SLC41A1: variants seen among roughly 807,000 people sequenced by gnomAD.
The protein encoded by SLC41A1 is solute carrier family 41 (magnesium transporter), member 1.
Under a neutral mutation model 47.3 loss-of-function variants are expected in SLC41A1, and 20 were observed. The ratio of observed to expected loss-of-function variants is 0.42; its 90% CI spans 0.30 to 0.61. The LOEUF (loss-of-function observed/expected upper bound fraction) is 0.61. Ranked by LOEUF, SLC41A1 falls within the 20% of genes least tolerant of loss-of-function variation. The pLI, the probability that SLC41A1 is intolerant of heterozygous loss-of-function variation, is 0.17. For synonymous variants in SLC41A1, 282 were observed against 272.7 expected (o/e 1.03, Z -0.34); for missense variants, 504 against 674.1 (o/e 0.75, Z 2.79).
rs781704776 is a variant in SLC41A1, at chr1:205,799,780, A to C, written c.531T>G (p.Thr177=). 1 of 1,614,124 alleles carries C rather than the reference A, an allele frequency of 6.2e-7. No individual in the cohort carries two copies. The highest frequency in any genetic ancestry group is 8.5e-7 in the Non-Finnish European group (1 of 1,179,994). Residue 177 remains threonine (T), a synonymous_variant, in exon 4 of 11, where the codon ACT becomes ACG. Transcript: ENST00000367137. ...DTPKELWRMI[T]GNMALIQVQA... ...TTACCTGGATGAGGGCCATGTTCCCAGTGATCATCCGCCAGAGCTCCTTGG... is the reference window on the plus strand; with the variant it reads ...TTACCTGGATGAGGGCCATGTTCCCCGTGATCATCCGCCAGAGCTCCTTGG...
chr1:205,797,835 AG>A, intron 7 of SLC41A1, 68 bp downstream of exon 7: 5 of 1,601,320 alleles, frequency 3.1e-6, no homozygotes, highest in Non-Finnish European at 4.3e-6. Flanking sequence ...CCATCTCTCC[AG>A]GGTTTAAAAA....
intron 2 of SLC41A1, among the ~76,000 whole-genome samples, chr1:205,804,418 T>A (rs1655966687): frequency 6.6e-6 from 1 of 152,140 alleles, no homozygotes; most frequent in Non-Finnish European, 1.5e-5. Flanking sequence ...GGGAAGAGAC[T>A]GCCCCCCATC....
In SLC41A1 at chr1:205,810,564, T is replaced by G; in HGVS notation, c.-123A>C. The stretch of plus-strand genomic sequence containing the variant: ...CCAGGCTTGGGCGCCGCAGGACCTC[T>G]TCCCACGGCTCTCCACTCCTACCAG... On this transcript the variant is annotated 5_prime_UTR_variant, in exon 2 of 11. Transcript: ENST00000367137. The surrounding 1 kb of genome is among the most constrained non-coding windows in gnomAD (Gnocchi z 5.5). The G allele has an allele frequency of 6.8e-7, 1 of 1,466,518 alleles. No homozygotes were observed. The highest frequency in any genetic ancestry group is 1.2e-5 in the South Asian group (1 of 84,958). The allele number at this position is 1,466,518 out of a possible 1,614,324, so 90.8% of individuals were successfully genotyped here. A position where few individuals can be genotyped will look rare whatever the true frequency, so the allele number is the denominator to read the frequency against.
intron 2 of SLC41A1, among the ~76,000 whole-genome samples, chr1:205,807,578 C>T (rs576753352): frequency 2.6e-5 from 4 of 151,404 alleles, no homozygotes; most frequent in South Asian, 4.2e-4. Flanking sequence ...CAGAAGATAA[C>T]GCTAATTAAT....
At chr1:205,798,888 A>C in intron 5 of SLC41A1, 69 bp downstream of exon 5, 1 of 1,614,094 alleles carries the variant, frequency 6.2e-7, no homozygotes, top group African/African-American at 1.3e-5. Flanking sequence ...AAAAAGAGAG[A>C]GTGGAAGTGC....
Position 205,810,790 on chromosome 1 carries a change from G to T in SLC41A1, c.-349C>A, listed in dbSNP as rs972413684. ...AGTGGCAGGCTCCTCAGAGCAGGGG[G>T]CATCCAGAGTAGAAGAGCTCAACCA... is the stretch of plus-strand genomic sequence containing the variant. On this transcript the variant is annotated 5_prime_UTR_variant, in exon 2 of 11. Coordinates refer to ENST00000367137, the MANE Select transcript of SLC41A1 (RefSeq NM_173854.6). This position sits in a 1 kb window ranked among gnomAD's most constrained non-coding sequence, Gnocchi z 5.5. The T allele has an allele frequency of 5.7e-6, 2 of 350,514 alleles. No homozygotes were observed. Among genetic ancestry groups the T allele is most frequent in the Admixed American group, 8.0e-5 (2 of 24,870 alleles). The allele number at this position is 350,514 out of a possible 1,614,324, so 21.7% of individuals were successfully genotyped here. A position where few individuals can be genotyped will look rare whatever the true frequency, so the allele number is the denominator to read the frequency against.
At chr1:205,804,896 G>A (rs895867544) in intron 2 of SLC41A1, among the ~76,000 whole-genome samples, 1 of 152,192 alleles carries the variant, frequency 6.6e-6, no homozygotes, top group Non-Finnish European at 1.5e-5. Flanking sequence ...ATGTATGCAA[G>A]CAATGTTTTC....
At position 205,794,901 on chromosome 1, in the gene SLC41A1, A is replaced by G. The variant is rs1655707668; in HGVS notation, c.1325T>C (p.Ile442Thr). ...GGHTTLTLIF[I>T]IFYMTAALLQ... ...CAGTGCAGCTGTCATATAGAAGATG[A>G]TGAAGATGAGTGTGAGGGTGGTGTG... Residue 442 changes from isoleucine to threonine, a missense_variant, in exon 10 of 11, where the codon ATC becomes ACC. Around this residue, in one of 2 missense-constraint regions of SLC41A1, gnomAD observed 421 missense variants for 601.6 expected, o/e 0.70. Coordinates refer to ENST00000367137, the MANE Select transcript of SLC41A1 (RefSeq NM_173854.6). 5 of 1,614,012 alleles carry G rather than the reference A, an allele frequency of 3.1e-6. No individual in the cohort carries two copies. The highest frequency in any genetic ancestry group is 2.5e-6 in the Non-Finnish European group (3 of 1,179,980).
In SLC41A1 at chr1:205,813,058, GAT is replaced by G. The variant is rs1380811096; in HGVS notation, c.-899_-898del. Reference sequence around the variant, plus strand: ...CGGGGGAGGTGGCCGGGGAGGGCAGGATATATCGCTTCGGGCCCGGCGGGGGG... The same window carrying G: ...CGGGGGAGGTGGCCGGGGAGGGCAGGATATCGCTTCGGGCCCGGCGGGGGG... On this transcript the variant is annotated 5_prime_UTR_variant, in exon 1 of 11. Coordinates refer to ENST00000367137, the MANE Select transcript of SLC41A1 (RefSeq NM_173854.6). 1 of 985,430 alleles carries G rather than the reference GAT, an allele frequency of 1.0e-6. No homozygotes were observed. The highest frequency in any genetic ancestry group is 1.2e-6 in the Non-Finnish European group (1 of 830,018). 61.0% of individuals were successfully genotyped at this position (985,430 alleles called of 1,614,324 possible).
In SLC41A1 at chr1:205,813,182, G is replaced by A. The variant is rs576233068; in HGVS notation, c.-1021C>T. ...AACTGGTTGGCTGCCGGTGGCAAAC[G>A]TGATCTGGGGCAGACTGGGTGGCAC... is the stretch of plus-strand genomic sequence containing the variant. On this transcript the variant is annotated 5_prime_UTR_variant, in exon 1 of 11. The change creates a new upstream start codon in the 5' untranslated region. Coordinates refer to ENST00000367137, the MANE Select transcript of SLC41A1 (RefSeq NM_173854.6). 5.1e-6 allele frequency: 5 copies of A among 985,468 alleles called. No homozygotes were observed. The highest frequency in any genetic ancestry group is 1.7e-5 in the African/African-American group (1 of 57,344). The allele number at this position is 985,468 out of a possible 1,614,324, so 61.0% of individuals were successfully genotyped here.
intron 2 of SLC41A1, among the ~76,000 whole-genome samples, chr1:205,805,512 G>A (rs1037116566): frequency 1.3e-4 from 20 of 152,196 alleles, no homozygotes; most frequent in African/African-American, 3.6e-4. Flanking sequence ...AGTCACACCC[G>A]TCTGCCAAGC....
At chr1:205,805,686 C>A (rs980470147) in intron 2 of SLC41A1, among the ~76,000 whole-genome samples, 1 of 152,180 alleles carries the variant, frequency 6.6e-6, no homozygotes, top group South Asian at 2.1e-4. Flanking sequence ...GCTCATGGAT[C>A]CCTGGTATTC....
intron 5 of SLC41A1, 61 bp downstream of exon 5, chr1:205,798,896 T>C: frequency 1.3e-5 from 21 of 1,614,076 alleles, no homozygotes; most frequent in Non-Finnish European, 1.8e-5. Context: ...AGAGTGGAAG[T>C]GCCAGGTGCA....
rs1056234850 is a variant in SLC41A1, at chr1:205,812,912, G to C, written c.-751C>G. On this transcript the variant is annotated 5_prime_UTR_variant, in exon 1 of 11. Coordinates refer to ENST00000367137, the MANE Select transcript of SLC41A1 (RefSeq NM_173854.6). Reference sequence around the variant, plus strand: ...CTCTTCTCATCACTCCTCCTCGACAGTCCTCCTTGGCCCCCGGCGTGCCCC... The same window carrying C: ...CTCTTCTCATCACTCCTCCTCGACACTCCTCCTTGGCCCCCGGCGTGCCCC... 66 of 985,462 alleles carry C rather than the reference G, an allele frequency of 6.7e-5. No individual in the cohort carries two copies. Among genetic ancestry groups the C allele is most frequent in the Non-Finnish European group, 7.2e-5 (60 of 830,090 alleles). The allele number at this position is 985,462 out of a possible 1,614,324, so 61.0% of individuals were successfully genotyped here. A position where few individuals can be genotyped will look rare whatever the true frequency, so the allele number is the denominator to read the frequency against.
chr1:205,794,772 A>G, intron 10 of SLC41A1, 98 bp downstream of exon 10: 1 of 1,491,218 alleles, frequency 6.7e-7, no homozygotes, highest in Non-Finnish European at 9.2e-7. Flanking sequence ...ACAGAGAAAG[A>G]GGAGGTTGAG....
rs371831150 is a variant in SLC41A1 at position 205,791,709 on chromosome 1, G to C, written c.1366C>G (p.Leu456Val). ...ACCATCCAGTCTGCGATGTACAGGA[G>C]AATCAGCACCTGGGGAGACAAAAGG... is the stretch of plus-strand genomic sequence containing the variant. ...MTAALLQVLI[L>V]LYIADWMVHW... The change falls in exon 11 of 11, where the codon CTC (leucine) becomes GTC (valine). Residue 456 changes from leucine (L) to valine (V), a missense_variant. This residue lies in a region of SLC41A1 where 421 missense variants were observed against 601.6 expected (regional missense o/e 0.70). Coordinates refer to ENST00000367137, the MANE Select transcript of SLC41A1 (RefSeq NM_173854.6). The surrounding 1 kb of genome is among the most constrained non-coding windows in gnomAD (Gnocchi z 4.0). The C allele has an allele frequency of 3.7e-5, 60 of 1,613,576 alleles. No individual in the cohort carries two copies. Among genetic ancestry groups the C allele is most frequent in the Non-Finnish European group, 4.7e-5 (56 of 1,180,024 alleles).
At chr1:205,798,419 C>A (rs1655797499) in intron 6 of SLC41A1, among the ~76,000 whole-genome samples, 1 of 152,132 alleles carries the variant, frequency 6.6e-6, no homozygotes. Flanking sequence ...CCACCTCATC[C>A]CTCCAAGAGA....
chr1:205,796,453 C>T (rs1019403368), intron 8 of SLC41A1: 19 of 137,854 alleles, frequency 1.4e-4, no homozygotes, highest in African/African-American at 4.5e-4. Context: ...TGTCATAAAG[C>T]GAGGTTTGCC....
chr1:205,796,049 T>C, intron 8 of SLC41A1: 1 of 194,342 alleles, frequency 5.1e-6, no homozygotes, highest in South Asian at 1.1e-4. Flanking sequence ...CTCCCTGCTC[T>C]TCTCAGCCTT....
Sources: gnomAD v4.1 joint callset for allele counts (sites outside exome capture counted in the v4.1 genomes callset) on GRCh38, gnomAD v4.1.1 for gene constraint, gnomAD v4.1.1 regional missense constraint, Gnocchi (gnomAD v3.1) non-coding constraint, MANE v1.5 for transcripts, NCBI Gene and HGNC (gene_info 2026-07-23, HGNC 2026-07-21) for gene names.